KIF26B: variants seen among roughly 807,000 people sequenced by gnomAD.
KIF26B encodes the protein kinesin family member 26B, also known as kinesin-like protein KIF26B.
A neutral mutation model predicts 151.2 loss-of-function variants in KIF26B; 63 were observed. That is an observed-to-expected ratio of 0.42 (90% CI 0.34 to 0.51). The LOEUF (loss-of-function observed/expected upper bound fraction) is 0.51. KIF26B is among the 20% of genes least tolerant of loss of function. KIF26B has a pLI of 0.07. For synonymous variants in KIF26B, 1,357 were observed against 1,262.1 expected, an observed-to-expected ratio of 1.08 and a Z score of -1.59; for missense variants, 2,813 against 2,913.6, an observed-to-expected ratio of 0.97 and a Z score of 0.79.
intron 4 of KIF26B, among the ~76,000 whole-genome samples, chr1:245,522,073 G>T (rs373413482): frequency 1.2e-4 from 18 of 152,116 alleles, no homozygotes; most frequent in Admixed American, 4.6e-4. Context: ...GTTTCACCGT[G>T]TTAGCCAGGA....
rs2043496592 is a variant in KIF26B at position 245,609,513 on chromosome 1, C to A, written c.1899C>A (p.Pro633=). The change falls in exon 8 of 15, where the codon CCC becomes CCA. Residue 633 remains proline, a synonymous_variant. Coordinates refer to ENST00000407071, the MANE Select transcript of KIF26B (RefSeq NM_018012.4). ...QSPGVYLCED[P]ICGTQLQNQS... is the part of the protein sequence containing the mutation. ...CGGGCGTGTACCTCTGTGAGGACCCCATCTGCGGCACGCAGGTGATTGCTT... is the reference window on the plus strand; with the variant it reads ...CGGGCGTGTACCTCTGTGAGGACCCAATCTGCGGCACGCAGGTGATTGCTT... 13 of 1,558,444 alleles carry A rather than the reference C, an allele frequency of 8.3e-6. No homozygotes were observed. Among genetic ancestry groups the A allele is most frequent in the Non-Finnish European group, 1.1e-5 (13 of 1,150,490 alleles).
chr1:245,274,563 C>CT (rs201000492), intron 2 of KIF26B, among the ~76,000 whole-genome samples: 13,079 of 152,090 alleles, frequency 0.086, 639 homozygotes, highest in Middle Eastern at 0.13. Flanking sequence ...ATGAATGCAC[C>CT]TTTTTTTATG....
In KIF26B at chr1:245,688,155, G is replaced by A. The variant is rs758215890; in HGVS notation, c.5172G>A (p.Ser1724=). The A allele has an allele frequency of 1.3e-6, 2 of 1,595,768 alleles. No homozygotes were observed. The highest frequency in any genetic ancestry group is 2.2e-5 in the East Asian group (1 of 44,652). Reference sequence around the variant, plus strand: ...CCTCGCCCCCCAGCTCCGGGGCCTCGCCCAAGGCCGGCCAGTCCAAGATCT... The same window carrying A: ...CCTCGCCCCCCAGCTCCGGGGCCTCACCCAAGGCCGGCCAGTCCAAGATCT... ...AGTSPPSSGA[S]PKAGQSKISA... is the part of the protein sequence containing the mutation. Residue 1724 remains serine, a synonymous_variant, in exon 12 of 15, where the codon TCG becomes TCA. Transcript: ENST00000407071.
intron 5 of KIF26B, among the ~76,000 whole-genome samples, chr1:245,579,248 G>A (rs2043151900): frequency 6.6e-6 from 1 of 152,072 alleles, no homozygotes; most frequent in Non-Finnish European, 1.5e-5. Context: ...GTTAAACGAA[G>A]AACATTCTGG....
intron 2 of KIF26B, among the ~76,000 whole-genome samples, chr1:245,207,276 T>C (rs1467499708): frequency 1.3e-5 from 2 of 152,228 alleles, no homozygotes; most frequent in Non-Finnish European, 2.9e-5. Context: ...ACAGGACTGG[T>C]TGCCACGAGA....
chr1:245,297,700 T>C (rs1407308837), intron 2 of KIF26B, among the ~76,000 whole-genome samples: 2 of 152,170 alleles, frequency 1.3e-5, no homozygotes, highest in African/African-American at 4.8e-5. Context: ...TTATCAAACA[T>C]TTATGGGTTT....
chr1:245,505,468 C>T (rs1465225641), intron 4 of KIF26B, among the ~76,000 whole-genome samples: 1 of 152,122 alleles, frequency 6.6e-6, no homozygotes. Flanking sequence ...TCATTGCAAC[C>T]TCTACTTCCC....
intron 2 of KIF26B, among the ~76,000 whole-genome samples, chr1:245,191,401 G>A (rs1469542172): frequency 1.3e-5 from 2 of 150,786 alleles, no homozygotes; most frequent in Non-Finnish European, 3.0e-5. Context: ...TTTAAACCCA[G>A]GAGACAGAGG....
chr1:245,419,354 G>C (rs1244182360), intron 3 of KIF26B, among the ~76,000 whole-genome samples: 2 of 152,126 alleles, frequency 1.3e-5, no homozygotes, highest in African/African-American at 4.8e-5. Context: ...ACAATGTCGG[G>C]GGATAATTTT....
chr1:245,508,182 C>T (rs1205590082), intron 4 of KIF26B, among the ~76,000 whole-genome samples: 1 of 152,184 alleles, frequency 6.6e-6, no homozygotes, highest in East Asian at 1.9e-4. Context: ...CTAGACCCTT[C>T]ACCATTCCAT....
rs753828572 is a variant in KIF26B, at chr1:245,688,579, G to C, written c.5596G>C (p.Gly1866Arg). The change falls in exon 12 of 15, where the codon GGC (glycine) becomes CGC (arginine). Residue 1866 changes from glycine (G) to arginine (R), a missense_variant. Around this residue, in one of 3 missense-constraint regions of KIF26B, gnomAD observed 2,060 missense variants for 2,088.6 expected, o/e 0.99. Transcript: ENST00000407071. The stretch of plus-strand genomic sequence containing the variant: ...GCGGAGGCCCCACCGCTGCAGCAGC[G>C]GCCACGGCAGCGACAACAGCAGCGT... ...PPRRPHRCSS[G>R]HGSDNSSVLS... 6.4e-7 allele frequency: 1 copy of C among 1,566,504 alleles called. No individual in the cohort carries two copies. Among genetic ancestry groups the C allele is most frequent in the Admixed American group, 1.9e-5 (1 of 53,326 alleles).
chr1:245,386,657 A>G (rs147746668), intron 3 of KIF26B, among the ~76,000 whole-genome samples: 179 of 152,318 alleles, frequency 1.2e-3, no homozygotes, highest in African/African-American at 4.2e-3. Flanking sequence ...TGCCATTAGC[A>G]TCATTTCCTC....
rs140414206 is a variant in KIF26B, at chr1:245,583,543, C to T, written c.1351-19034C>T. Among the ~76,000 whole-genome samples the T allele has an allele frequency of 3.1e-3, 479 of 152,228 alleles. 1 individual carries two copies. Among genetic ancestry groups the T allele is most frequent in the African/African-American group, 0.011 (451 of 41,546 alleles). On this transcript the variant is annotated intron_variant, in intron 5 of 14. Coordinates refer to ENST00000407071, the MANE Select transcript of KIF26B (RefSeq NM_018012.4). ...ATTCTCGTTTACTCCATTTTATAGA[C>T]GAATGTTTCTTATCATGAATGAGAG...
intron 2 of KIF26B, among the ~76,000 whole-genome samples, chr1:245,310,278 T>C (rs1284870998): frequency 2.0e-5 from 3 of 151,996 alleles, no homozygotes; most frequent in Admixed American, 1.3e-4. Context: ...GTACTAGTTG[T>C]ACAATTATTT....
In KIF26B at chr1:245,680,401, T is replaced by A. The variant is rs146253931; in HGVS notation, c.2259-3832T>A. On this transcript the variant is annotated intron_variant, in intron 10 of 14. Transcript: ENST00000407071. ...GGTTGCTAAGCAGCATACATGCCGC[T>A]GCTTCTTTCCACAATGTAGACTTAA... Among the ~76,000 whole-genome samples, 380 of 152,350 alleles carry A rather than the reference T, an allele frequency of 2.5e-3. 1 individual carries two copies. The highest frequency in any genetic ancestry group is 0.01 in the Middle Eastern group (3 of 294).
chr1:245,248,274 G>A (rs2103563727), intron 2 of KIF26B, among the ~76,000 whole-genome samples: 1 of 152,246 alleles, frequency 6.6e-6, no homozygotes, highest in African/African-American at 2.4e-5. Context: ...TTTTTGCAGG[G>A]AGCTGCCGTC....
At chr1:245,648,824 G>A (rs1376972933) in intron 10 of KIF26B, among the ~76,000 whole-genome samples, 1 of 152,160 alleles carries the variant, frequency 6.6e-6, no homozygotes, top group African/African-American at 2.4e-5. Context: ...CACCAAGAGA[G>A]TGATCATTAA....
At chr1:245,240,039 G>A (rs972741263) in intron 2 of KIF26B, among the ~76,000 whole-genome samples, 15 of 151,984 alleles carry the variant, frequency 9.9e-5, no homozygotes, top group Non-Finnish European at 2.2e-4. Context: ...GTGTCATGGC[G>A]CACACCTGTA....
intron 2 of KIF26B, among the ~76,000 whole-genome samples, chr1:245,345,423 C>T (rs1259281800): frequency 6.6e-6 from 1 of 152,212 alleles, no homozygotes; most frequent in Non-Finnish European, 1.5e-5. Context: ...GGAAAATCCT[C>T]GTCCCCCTCC....
Sources: allele counts gnomAD v4.1 joint callset (sites outside exome capture counted in the v4.1 genomes callset), GRCh38; gene constraint gnomAD v4.1.1; regional missense constraint gnomAD v4.1.1; transcripts MANE v1.5; gene names NCBI Gene and HGNC (gene_info 2026-07-23, HGNC 2026-07-21).